Variants in IGFBP3 observed in about 807,000 individuals in gnomAD.
IGFBP3 encodes insulin like growth factor binding protein 3.
In IGFBP3, 9 loss-of-function variants were observed where a neutral mutation model predicts 28.6. The observed-to-expected ratio is 0.31, with a 90% CI of 0.19 to 0.55. The LOEUF (loss-of-function observed/expected upper bound fraction) is 0.55. Ranked by LOEUF, IGFBP3 falls within the 20% of genes least tolerant of loss-of-function variation. The probability of loss-of-function intolerance (pLI) is 0.93; values close to 1 mark genes in which losing one functional copy is unlikely to be tolerated. For synonymous variants in IGFBP3, 185 were observed against 188.2 expected (o/e 0.98, Z 0.14); for missense variants, 382 against 428.9 (o/e 0.89, Z 0.97).
chr7:45,920,659 C>A, intron 1 of IGFBP3, 79 bp downstream of exon 1: 1 of 1,226,150 alleles, frequency 8.2e-7, no homozygotes, highest in Non-Finnish European at 1.0e-6. Flanking sequence ...TCTCCCGCAG[C>A]GGCACCCAGC....
Position 45,919,420 on chromosome 7 carries a change from G to A in IGFBP3, c.403+1318C>T, listed in dbSNP as rs541863315. ...CCCCGAGAGACAAATGCCTCCAGCA[G>A]CTTTAACAGCTGACCAGAGCCAGTG... On this transcript the variant is annotated intron_variant, in intron 1 of 4. Coordinates refer to ENST00000613132, the MANE Select transcript of IGFBP3 (RefSeq NM_000598.5). 5.3e-5 allele frequency among the ~76,000 whole-genome samples: 8 copies of A among 152,328 alleles called. No individual in the cohort carries two copies. In the South Asian group the frequency reaches 1.5e-3, roughly 28 times the overall value.
chr7:45,921,102 C>T lies in IGFBP3; in HGVS notation c.39G>A (p.Leu13=). 1 of 1,487,272 alleles carries T rather than the reference C, an allele frequency of 6.7e-7. No individual in the cohort carries two copies. The highest frequency in any genetic ancestry group is 8.9e-7 in the Non-Finnish European group (1 of 1,125,472). The allele number at this position is 1,487,272 out of a possible 1,614,324, so 92.1% of individuals were successfully genotyped here. ...RARPTLWAAA[L]TLLVLLRGPP... ...GCCCGCGGAGCAGCACCAGCAGAGTCAGCGCAGCGGCCCAGAGCGTGGGTC... is the reference window on the plus strand; with the variant it reads ...GCCCGCGGAGCAGCACCAGCAGAGTTAGCGCAGCGGCCCAGAGCGTGGGTC... Residue 13 remains leucine (L), a synonymous_variant, in exon 1 of 5, where the codon CTG becomes CTA. Transcript: ENST00000613132.
At chr7:45,915,137 G>T (rs1784593160) in intron 3 of IGFBP3, 192 bp from the exon 4 acceptor site, 6 of 578,806 alleles carry the variant, frequency 1.0e-5, no homozygotes, top group South Asian at 2.0e-5. Flanking sequence ...ATGCGTGTGG[G>T]TGTAACTTCC....
At chr7:45,920,466 C>G in intron 1 of IGFBP3, 1 of 375,644 alleles carries the variant, frequency 2.7e-6, no homozygotes, top group Non-Finnish European at 4.7e-6. Flanking sequence ...CCGCTCCCCT[C>G]AGCTCCGGAA....
Position 45,920,886 on chromosome 7 carries a change from G to A in IGFBP3, c.255C>T (p.Thr85=), listed in dbSNP as rs769686399. Residue 85 remains threonine (T), a synonymous_variant, in exon 1 of 5, where the codon ACC becomes ACT. Transcript: ENST00000613132. The part of the protein sequence containing the change: ...LSEGQPCGIY[T]ERCGSGLRCQ... ...AGCGAAGGCCGGAGCCACAGCGCTCGGTGTAGATGCCGCACGGCTGGCCCT... is the reference window on the plus strand; with the variant it reads ...AGCGAAGGCCGGAGCCACAGCGCTCAGTGTAGATGCCGCACGGCTGGCCCT... 3 of 1,430,370 alleles carry A rather than the reference G, an allele frequency of 2.1e-6. No individual in the cohort carries two copies. The highest frequency in any genetic ancestry group is 2.5e-4 in the Middle Eastern group (1 of 4,036). The allele number at this position is 1,430,370 out of a possible 1,614,324, so 88.6% of individuals were successfully genotyped here.
At chr7:45,917,466 C>T (rs375135254) in intron 1 of IGFBP3, 27 bp from the exon 2 acceptor site, 2 of 1,535,892 alleles carry the variant, frequency 1.3e-6, no homozygotes, top group African/African-American at 1.4e-5. Context: ...GAGACAAACA[C>T]ATGAGAGTCA....
In IGFBP3 at chr7:45,914,884, G is replaced by A. The variant is rs755080654; in HGVS notation, c.812C>T (p.Pro271Leu). ...CCCCTTGGTGGTGTAGCCTGGGAGA[G>A]GCTGCCCATACTTATCCACACACCA... ...FCWCVDKYGQ[P>L]LPGYTTKGKE... Residue 271 changes from proline (P) to leucine (L), a missense_variant, in exon 4 of 5, where the codon CCT becomes CTT. Physicochemically the swap from Pro to Leu is moderately conservative, Grantham distance 98. Coordinates refer to ENST00000613132, the MANE Select transcript of IGFBP3 (RefSeq NM_000598.5). The A allele has an allele frequency of 1.9e-6, 3 of 1,614,024 alleles. No homozygotes were observed. The highest frequency in any genetic ancestry group is 1.7e-6 in the Non-Finnish European group (2 of 1,180,000).
At chr7:45,919,600 G>C (rs1784657165) in intron 1 of IGFBP3, among the ~76,000 whole-genome samples, 1 of 152,226 alleles carries the variant, frequency 6.6e-6, no homozygotes, top group South Asian at 2.1e-4. Flanking sequence ...CCCTAGATGG[G>C]GGCCTGCCCA....
At position 45,921,017 on chromosome 7, in the gene IGFBP3, G is replaced by A; in HGVS notation, c.124C>T (p.Pro42Ser). ...AGLGPVVRCE[P>S]CDARALAQCA... The stretch of plus-strand genomic sequence containing the variant: ...TGGGCCAGTGCACGCGCGTCGCACG[G>A]CTCGCAGCGCACCACGGGACCCAAG... Residue 42 changes from proline to serine, a missense_variant, in exon 1 of 5, where the codon CCG (proline) becomes TCG (serine). Transcript: ENST00000613132. 1.4e-6 allele frequency: 2 copies of A among 1,407,122 alleles called. No homozygotes were observed. Among genetic ancestry groups the A allele is most frequent in the Admixed American group, 3.2e-5 (1 of 31,330 alleles). 87.2% of individuals were successfully genotyped at this position (1,407,122 alleles called of 1,614,324 possible). A position where few individuals can be genotyped will look rare whatever the true frequency, so the allele number is the denominator to read the frequency against.
At position 45,920,958 on chromosome 7, in the gene IGFBP3, C is replaced by A. The variant is rs113626013; in HGVS notation, c.183G>T (p.Leu61=). The A allele has an allele frequency of 7.3e-7, 1 of 1,361,240 alleles. No homozygotes were observed. Among genetic ancestry groups the A allele is most frequent in the Non-Finnish European group, 9.4e-7 (1 of 1,064,962 alleles). 84.3% of individuals were successfully genotyped at this position (1,361,240 alleles called of 1,614,324 possible). ...CAPPPAVCAE[L]VREPGCGCCL... ...AGCAGCCGCAGCCCGGCTCGCGCAC[C>A]AGCTCCGCGCACACGGCGGGCGGAG... Residue 61 remains leucine (L), a synonymous_variant, in exon 1 of 5, where the codon CTG becomes CTT. Coordinates refer to ENST00000613132, the MANE Select transcript of IGFBP3 (RefSeq NM_000598.5).
intron 1 of IGFBP3, among the ~76,000 whole-genome samples, chr7:45,918,713 C>G (rs1358671403): frequency 6.6e-6 from 1 of 152,226 alleles, no homozygotes; most frequent in Non-Finnish European, 1.5e-5. Context: ...AATGATTTGG[C>G]TGCAGATGCT....
At position 45,921,226 on chromosome 7, in the gene IGFBP3, G is replaced by A; in HGVS notation, c.-86C>T. 1 of 1,418,912 alleles carries A rather than the reference G, an allele frequency of 7.0e-7. No homozygotes were observed. The highest frequency in any genetic ancestry group is 9.5e-7 in the Non-Finnish European group (1 of 1,052,454). The allele number at this position is 1,418,912 out of a possible 1,614,324, so 87.9% of individuals were successfully genotyped here. On this transcript the variant is annotated 5_prime_UTR_variant, in exon 1 of 5. Coordinates refer to ENST00000613132, the MANE Select transcript of IGFBP3 (RefSeq NM_000598.5). Reference sequence around the variant, plus strand: ...ACACGGCGCGAAGCTGTGGAATCCAGGCAGGAAGCGGCTGATCCTCAGCGC... The same window carrying A: ...ACACGGCGCGAAGCTGTGGAATCCAAGCAGGAAGCGGCTGATCCTCAGCGC...
At position 45,921,141 on chromosome 7, in the gene IGFBP3, G is replaced by T; in HGVS notation, c.-1C>A. Reference sequence around the variant, plus strand: ...AGAGCGTGGGTCGCGCCCGCTGCATGACGCCTGCAACCGGGGCACGCTGCT... The same window carrying T: ...AGAGCGTGGGTCGCGCCCGCTGCATTACGCCTGCAACCGGGGCACGCTGCT... On this transcript the variant is annotated 5_prime_UTR_variant, in exon 1 of 5. Transcript: ENST00000613132. 1 of 1,502,292 alleles carries T rather than the reference G, an allele frequency of 6.7e-7. No individual in the cohort carries two copies. The highest frequency in any genetic ancestry group is 1.2e-5 in the South Asian group (1 of 81,908). The allele number at this position is 1,502,292 out of a possible 1,614,324, so 93.1% of individuals were successfully genotyped here.
At position 45,912,633 on chromosome 7, in the gene IGFBP3, AG is replaced by A. The variant is rs1784559626; in HGVS notation, c.*1216del. 1 of 152,380 alleles carries A rather than the reference AG, an allele frequency of 6.6e-6. No individual in the cohort carries two copies. The highest frequency in any genetic ancestry group is 1.5e-5 in the Non-Finnish European group (1 of 68,034). 9.4% of individuals were successfully genotyped at this position (152,380 alleles called of 1,614,324 possible). A position where few individuals can be genotyped will look rare whatever the true frequency, so the allele number is the denominator to read the frequency against. On this transcript the variant is annotated 3_prime_UTR_variant, in exon 5 of 5. Coordinates refer to ENST00000613132, the MANE Select transcript of IGFBP3 (RefSeq NM_000598.5). ...TCTCTGGGCGTGAGCTCCTTTCCTC[AG>A]TCATGGCCACAGTTGTATCATATAG...
intron 2 of IGFBP3, 148 bp from the exon 3 acceptor site, chr7:45,916,815 C>A (rs1784615045): frequency 1.2e-6 from 1 of 814,682 alleles, no homozygotes; most frequent in Non-Finnish European, 2.0e-6. Flanking sequence ...GCACGAAAGT[C>A]CCCCGAATAA....
chr7:45,918,538 G>C (rs1784643470), intron 1 of IGFBP3, among the ~76,000 whole-genome samples: 1 of 152,160 alleles, frequency 6.6e-6, no homozygotes, highest in Non-Finnish European at 1.5e-5. Flanking sequence ...ATGCTCCCAG[G>C]GCCTGTGGAC....
In IGFBP3 at chr7:45,916,663, G is replaced by A. The variant is rs770929779; in HGVS notation, c.635C>T (p.Pro212Leu). 7 of 1,611,944 alleles carry A rather than the reference G, an allele frequency of 4.3e-6. No individual in the cohort carries two copies. The highest frequency in any genetic ancestry group is 1.3e-5 in the African/African-American group (1 of 74,884). ...TGTGTCTTCCATTTCTCTACGGCAGGGACCCTGGGGATCAGGAAGGACCAG... is the reference window on the plus strand; with the variant it reads ...TGTGTCTTCCATTTCTCTACGGCAGAGACCCTGGGGATCAGGAAGGACCAG... ...SESKRETEYGPCRREMEDTLN... is the reference protein window; with the variant it reads ...SESKRETEYGLCRREMEDTLN... The change falls in exon 3 of 5, where the codon CCC (proline) becomes CTC (leucine). Residue 212 changes from proline (P) to leucine (L), a missense_variant. Coordinates refer to ENST00000613132, the MANE Select transcript of IGFBP3 (RefSeq NM_000598.5).
intron 4 of IGFBP3, 133 bp downstream of exon 4, chr7:45,914,672 C>T (rs2116573502): frequency 3.7e-6 from 3 of 807,402 alleles, no homozygotes; most frequent in Non-Finnish European, 3.9e-6. Flanking sequence ...ATTTGCTTTG[C>T]TCTTTCTGGC....
intron 1 of IGFBP3, chr7:45,920,373 G>A (rs1445166778): frequency 7.9e-6 from 2 of 254,710 alleles, no homozygotes; most frequent in East Asian, 1.4e-4. Flanking sequence ...AAGCATCCCT[G>A]GGATTGCAGT....
Sources: gnomAD v4.1 joint callset for allele counts (sites outside exome capture counted in the v4.1 genomes callset) on GRCh38, gnomAD v4.1.1 for gene constraint, MANE v1.5 for transcripts, NCBI Gene and HGNC (gene_info 2026-07-23, HGNC 2026-07-21) for gene names.